APPL1: variants seen among roughly 807,000 people sequenced by gnomAD.
The protein encoded by APPL1 is DCC-interacting protein 13-alpha.
APPL1 carries 42 observed loss-of-function variants against 106.8 expected under a neutral mutation model. That is an observed-to-expected ratio of 0.39 (90% CI 0.31 to 0.51). The LOEUF is 0.51. Ranked by LOEUF, APPL1 falls within the 20% of genes least tolerant of loss-of-function variation. The pLI is 0.75. For synonymous variants in APPL1, 263 were observed against 281.8 expected, an observed-to-expected ratio of 0.93 and a Z score of 0.67; for missense variants, 769 against 858.2, an observed-to-expected ratio of 0.90 and a Z score of 1.30.
Position 57,247,473 on chromosome 3 carries a change from C to T in APPL1, c.700C>T (p.Gln234Ter). Residue 234 changes from glutamine to a stop codon, truncating the protein, a stop_gained, in exon 9 of 22, where the codon CAG (glutamine) becomes TAG (stop). Transcript: ENST00000288266. LOFTEE classifies it high-confidence loss of function. ...EFLANIGTSV[Q>*]NVRREMDSDI... Reference sequence around the variant, plus strand: ...TTTAGCTAATATTGGAACAAGCGTTCAGAAGTAAGTATTTTTTTCCTTAAA... The same window carrying T: ...TTTAGCTAATATTGGAACAAGCGTTTAGAAGTAAGTATTTTTTTCCTTAAA... 6.3e-7 allele frequency: 1 copy of T among 1,584,754 alleles called. No individual in the cohort carries two copies. Among genetic ancestry groups the T allele is most frequent in the Non-Finnish European group, 8.7e-7 (1 of 1,155,548 alleles).
intron 7 of APPL1, among the ~76,000 whole-genome samples, chr3:57,245,430 C>T (rs770039536): frequency 1.3e-5 from 2 of 152,140 alleles, no homozygotes; most frequent in East Asian, 1.9e-4. Flanking sequence ...AGACTAATGA[C>T]TAAGCTAATA....
intron 13 of APPL1, among the ~76,000 whole-genome samples, chr3:57,256,280 A>C (rs879885527): frequency 6.6e-6 from 1 of 152,238 alleles, no homozygotes; most frequent in Non-Finnish European, 1.5e-5. Context: ...GTATACAGAA[A>C]TGTTAACTAT....
chr3:57,250,472 A>T (rs374445208), intron 11 of APPL1, among the ~76,000 whole-genome samples: 4 of 152,184 alleles, frequency 2.6e-5, no homozygotes, highest in East Asian at 3.9e-4. Context: ...GAGAATCTTT[A>T]AAGTAGCATT....
intron 11 of APPL1, among the ~76,000 whole-genome samples, chr3:57,251,821 G>A (rs1008241862): frequency 6.6e-6 from 1 of 151,944 alleles, no homozygotes; most frequent in East Asian, 1.9e-4. Flanking sequence ...ATAGAAAAGC[G>A]AAATAATGAT....
At chr3:57,262,410 T>TTTTTTTTTTTTTTTTTTTTTTTTTTTTC (rs869046266) in intron 19 of APPL1, among the ~76,000 whole-genome samples, 1 of 139,990 alleles carries the variant, frequency 7.1e-6, no homozygotes, top group Non-Finnish European at 1.5e-5. Context: ...TTTTTTTTTT[T>TTTTTTTTTTTTTTTTTTTTTTTTTTTTC]GAGACAGACT....
At chr3:57,244,906 A>G (rs1391822827) in intron 7 of APPL1, among the ~76,000 whole-genome samples, 1 of 152,188 alleles carries the variant, frequency 6.6e-6, no homozygotes, top group African/African-American at 2.4e-5. Flanking sequence ...CTTTTGGGAG[A>G]TATTTTTTTA....
chr3:57,269,342 G>C (rs2060918591), intron 21 of APPL1, 199 bp from the exon 22 acceptor site: 1 of 491,866 alleles, frequency 2.0e-6, no homozygotes, highest in Non-Finnish European at 3.5e-6. Flanking sequence ...TAGTTTGAAT[G>C]CTGGCTTTTA....
intron 13 of APPL1, among the ~76,000 whole-genome samples, chr3:57,255,799 T>C (rs550913097): frequency 6.6e-6 from 1 of 152,296 alleles, no homozygotes; most frequent in African/African-American, 2.4e-5. Context: ...AAAAATACCA[T>C]TAAAATACAA....
At chr3:57,259,165 A>T in intron 16 of APPL1, 85 bp downstream of exon 16, 1 of 1,183,578 alleles carries the variant, frequency 8.4e-7, no homozygotes, top group Admixed American at 2.0e-5. Flanking sequence ...TTGCTCTGCT[A>T]CTAAGCTCAG....
At chr3:57,259,722 C>A in intron 16 of APPL1, 123 bp from the exon 17 acceptor site, 1 of 809,462 alleles carries the variant, frequency 1.2e-6, no homozygotes, top group Non-Finnish European at 1.8e-6. Flanking sequence ...TTGAATTTTT[C>A]ACTAGAAAAC....
chr3:57,253,708 TA>T lies in APPL1; in HGVS notation c.1125del (p.Lys375AsnfsTer5). The T allele has an allele frequency of 6.9e-7, 1 of 1,449,828 alleles. No individual in the cohort carries two copies. The highest frequency in any genetic ancestry group is 9.2e-7 in the Non-Finnish European group (1 of 1,092,442). The allele number at this position is 1,449,828 out of a possible 1,614,324, so 89.8% of individuals were successfully genotyped here. A position where few individuals can be genotyped will look rare whatever the true frequency, so the allele number is the denominator to read the frequency against. ...EWICTINNIS[K>X]QIYLSENPEE... ...GGATCTGTACAATAAACAACATATC[TA>T]AACAAATATACTTAAGTGAAAATCC... On this transcript the variant is annotated frameshift_variant, in exon 13 of 22. Coordinates refer to ENST00000288266, the MANE Select transcript of APPL1 (RefSeq NM_012096.3). LOFTEE classifies it high-confidence loss of function.
intron 21 of APPL1, 183 bp from the exon 22 acceptor site, chr3:57,269,356 GAT>G (rs972223022): frequency 2.7e-5 from 14 of 519,382 alleles, no homozygotes; most frequent in Middle Eastern, 5.1e-4. Context: ...GCTTTTATAG[GAT>G]GGTGCCAAAA....
chr3:57,257,381 G>A lies in APPL1; in HGVS notation c.1383G>A (p.Val461=). ...TPIQFDIISP[V]CEDQPGQAKA... ...TACAGTTTGACATAATTTCTCCTGT[G>A]TGTGAAGATCAGCCTGGCCAGGCAA... Residue 461 remains valine (V), a synonymous_variant, in exon 15 of 22, where the codon GTG becomes GTA. Transcript: ENST00000288266. 6.2e-7 allele frequency: 1 copy of A among 1,614,054 alleles called. No individual in the cohort carries two copies. Among genetic ancestry groups the A allele is most frequent in the Non-Finnish European group, 8.5e-7 (1 of 1,180,006 alleles).
intron 1 of APPL1, among the ~76,000 whole-genome samples, chr3:57,230,929 CTCTTG>C (rs1186449798): frequency 6.6e-6 from 1 of 151,952 alleles, no homozygotes; most frequent in African/African-American, 2.4e-5. Context: ...TGGAGTTTCG[CTCTTG>C]TCGCCTAGGC....
chr3:57,245,106 A>G (rs763810154), intron 7 of APPL1, among the ~76,000 whole-genome samples: 11 of 152,196 alleles, frequency 7.2e-5, no homozygotes, highest in Non-Finnish European at 1.6e-4. Flanking sequence ...ACCCAGCTGG[A>G]GATGTGTTTA....
Position 57,260,101 on chromosome 3 carries a change from T to C in APPL1, c.1659-16T>C. 6.2e-7 allele frequency: 1 copy of C among 1,606,716 alleles called. No homozygotes were observed. Among genetic ancestry groups the C allele is most frequent in the Non-Finnish European group, 8.5e-7 (1 of 1,177,974 alleles). On this transcript the variant is annotated splice_polypyrimidine_tract_variant and intron_variant, in intron 17 of 21. Transcript: ENST00000288266. Reference sequence around the variant, plus strand: ...TAATTAAAATTTGTTTTCCAATTTTTAAATTATTATTTTAGGTTAATTGAT... The same window carrying C: ...TAATTAAAATTTGTTTTCCAATTTTCAAATTATTATTTTAGGTTAATTGAT...
chr3:57,267,686 C>T, intron 19 of APPL1, 56 bp from the exon 20 acceptor site: 1 of 1,465,180 alleles, frequency 6.8e-7, no homozygotes, highest in African/African-American at 1.4e-5. Flanking sequence ...GGATACTTGA[C>T]ATTTTTGCTT....
intron 13 of APPL1, 72 bp from the exon 14 acceptor site, chr3:57,256,885 T>C: frequency 8.5e-7 from 1 of 1,180,068 alleles, no homozygotes; most frequent in Non-Finnish European, 1.3e-6. Context: ...TTCTAACAAT[T>C]CAGAGTTACA....
Position 57,268,463 on chromosome 3 carries a change from C to T in APPL1, c.1959C>T (p.Leu653=), listed in dbSNP as rs929223190. The change falls in exon 21 of 22, where the codon CTC becomes CTT. Residue 653 remains leucine (L), a synonymous_variant. Transcript: ENST00000288266. ...ERVKEKQQKE[L]NKQKQIEKDL... is the part of the protein sequence containing the mutation. ...TAAAAGAGAAGCAACAGAAAGAACT[C>T]AATAAACAAAAACAGATTGAAAAGG... 6.2e-7 allele frequency: 1 copy of T among 1,604,724 alleles called. No individual in the cohort carries two copies. Among genetic ancestry groups the T allele is most frequent in the Non-Finnish European group, 8.5e-7 (1 of 1,175,738 alleles).
Sources: allele counts gnomAD v4.1 joint callset (sites outside exome capture counted in the v4.1 genomes callset), GRCh38; gene constraint gnomAD v4.1.1; transcripts MANE v1.5; gene names NCBI Gene and HGNC (gene_info 2026-07-23, HGNC 2026-07-21).